The following TAMALIN variants were observed in gnomAD, a reference collection of about 807,000 sequenced individuals.
The protein encoded by TAMALIN is protein TAMALIN.
A neutral mutation model predicts 38.5 loss-of-function variants in TAMALIN; 9 were observed. That is an observed-to-expected ratio of 0.23 (90% CI 0.14 to 0.41). TAMALIN has a LOEUF of 0.41. Among genes scored for constraint, TAMALIN ranks in the 10% least tolerant of loss-of-function variants. The pLI is 1.00. For missense variants in TAMALIN, 548 were observed against 554.1 expected, an observed-to-expected ratio of 0.99 and a Z score of 0.11; for synonymous variants, 306 against 256.5, an observed-to-expected ratio of 1.19 and a Z score of -1.85.
chr12:52,007,028 C>T lies in TAMALIN; in HGVS notation c.9C>T (p.Leu3=), dbSNP rs1464434844. 4 of 1,436,232 alleles carry T rather than the reference C, an allele frequency of 2.8e-6. No homozygotes were observed. The East Asian group carries it at 9.1e-5, about 33-fold the overall frequency. 89.0% of individuals were successfully genotyped at this position (1,436,232 alleles called of 1,614,324 possible). A position where few individuals can be genotyped will look rare whatever the true frequency, so the allele number is the denominator to read the frequency against. MT[L]RRLRKLQQKE... ...CGTCCGGCGCCGGAGCCATGACCCT[C>T]CGCCGACTCAGGAAGCTGCAGCAGA... Residue 3 remains leucine (L), a synonymous_variant, in exon 1 of 8, where the codon CTC becomes CTT. Coordinates refer to ENST00000293662, the MANE Select transcript of TAMALIN (RefSeq NM_181711.4). This position sits in a 1 kb window ranked among gnomAD's most constrained non-coding sequence, Gnocchi z 6.7.
At chr12:52,009,848 A>G (rs985631892) in intron 2 of TAMALIN, among the ~76,000 whole-genome samples, 6 of 152,244 alleles carry the variant, frequency 3.9e-5, no homozygotes, top group Admixed American at 2.6e-4. Flanking sequence ...CTGACCTGCT[A>G]GCCAGATTGG....
At position 52,008,252 on chromosome 12, in the gene TAMALIN, G is replaced by C. The variant is rs1292737127; in HGVS notation, c.247-938G>C. ...TTGGGGGAGGGTTAGCAAAGGCACA[G>C]AACAGAAAGGCCCTGGGCTGTGCAG... On this transcript the variant is annotated intron_variant, in intron 1 of 7. Transcript: ENST00000293662. 3.0e-6 allele frequency: 3 copies of C among 985,288 alleles called. No homozygotes were observed. In the African/African-American group the frequency reaches 5.2e-5, roughly 17 times the overall value. The allele number at this position is 985,288 out of a possible 1,614,324, so 61.0% of individuals were successfully genotyped here.
In TAMALIN at chr12:52,007,286, C is replaced by T; in HGVS notation, c.246+21C>T. The T allele has an allele frequency of 7.1e-7, 1 of 1,399,482 alleles. No individual in the cohort carries two copies. The allele number at this position is 1,399,482 out of a possible 1,614,324, so 86.7% of individuals were successfully genotyped here. A position where few individuals can be genotyped will look rare whatever the true frequency, so the allele number is the denominator to read the frequency against. On this transcript the variant is annotated intron_variant, in intron 1 of 7. Coordinates refer to ENST00000293662, the MANE Select transcript of TAMALIN (RefSeq NM_181711.4). The surrounding 1 kb of genome is among the most constrained non-coding windows in gnomAD (Gnocchi z 6.7). ...GAAAGGTGCGTCCCCCGCCCGCCTT[C>T]AGGATCTGCTCAGCCCCTCTCCGAC...
At position 52,015,441 on chromosome 12, in the gene TAMALIN, G is replaced by A. The variant is rs917634545; in HGVS notation, c.*242G>A. On this transcript the variant is annotated 3_prime_UTR_variant, in exon 8 of 8. Coordinates refer to ENST00000293662, the MANE Select transcript of TAMALIN (RefSeq NM_181711.4). Reference sequence around the variant, plus strand: ...GGGCAGGGGGAGAGCCAGGCAATCGGGGGCCAAAGATGGGGGTGCTCGCCT... The same window carrying A: ...GGGCAGGGGGAGAGCCAGGCAATCGAGGGCCAAAGATGGGGGTGCTCGCCT... 2.0e-6 allele frequency: 1 copy of A among 491,378 alleles called. No individual in the cohort carries two copies. The highest frequency in any genetic ancestry group is 3.6e-6 in the Non-Finnish European group (1 of 277,080). 30.4% of individuals were successfully genotyped at this position (491,378 alleles called of 1,614,324 possible).
intron 4 of TAMALIN, chr12:52,013,464 T>TAGTC (rs1163915627): frequency 1.8e-5 from 10 of 544,174 alleles, no homozygotes; most frequent in Non-Finnish European, 2.0e-5. Context: ...GACAACCTGG[T>TAGTC]AGTCACTACA....
intron 1 of TAMALIN, chr12:52,008,633 A>T: frequency 3.2e-5 from 32 of 985,386 alleles, no homozygotes; most frequent in Non-Finnish European, 3.9e-5. Flanking sequence ...CTGACCCCAC[A>T]TTCTGGCTGG....
chr12:52,014,764 C>T lies in TAMALIN; in HGVS notation c.753C>T (p.Gly251=), dbSNP rs761889420. The change falls in exon 8 of 8, where the codon GGC becomes GGT. Residue 251 remains glycine, a synonymous_variant. Transcript: ENST00000293662. ...ESVRSCLYGA[G]LLPGSLPFGP... Reference sequence around the variant, plus strand: ...TGCGCTCCTGCCTCTACGGCGCGGGCCTGCTCCCGGGCTCGCTGCCCTTCG... The same window carrying T: ...TGCGCTCCTGCCTCTACGGCGCGGGTCTGCTCCCGGGCTCGCTGCCCTTCG... 3.3e-6 allele frequency: 5 copies of T among 1,495,820 alleles called. No individual in the cohort carries two copies. The highest frequency in any genetic ancestry group is 4.4e-6 in the Non-Finnish European group (5 of 1,133,046). The allele number at this position is 1,495,820 out of a possible 1,614,324, so 92.7% of individuals were successfully genotyped here.
At chr12:52,013,488 G>A (rs1043691969) in intron 4 of TAMALIN, 199 bp from the exon 5 acceptor site, 38 of 585,966 alleles carry the variant, frequency 6.5e-5, no homozygotes, top group Non-Finnish European at 1.0e-4. Flanking sequence ...CCACAAGAAT[G>A]GCTGTGGTTC....
rs968152592 is a variant in TAMALIN at position 52,014,737 on chromosome 12, G to A, written c.726G>A (p.Ser242=). ...CCAGCATCTACGACACGCTGGAGTC[G>A]GTGCGCTCCTGCCTCTACGGCGCGG... is the stretch of plus-strand genomic sequence containing the variant. ...KDPSIYDTLE[S]VRSCLYGAGL... Residue 242 remains serine, a synonymous_variant, in exon 8 of 8, where the codon TCG becomes TCA. Coordinates refer to ENST00000293662, the MANE Select transcript of TAMALIN (RefSeq NM_181711.4). The A allele has an allele frequency of 5.9e-6, 9 of 1,520,400 alleles. No individual in the cohort carries two copies. The highest frequency in any genetic ancestry group is 2.5e-5 in the South Asian group (2 of 79,808). 94.2% of individuals were successfully genotyped at this position (1,520,400 alleles called of 1,614,324 possible).
At position 52,007,708 on chromosome 12, in the gene TAMALIN, T is replaced by A. The variant is rs1283083892; in HGVS notation, c.246+443T>A. 7.1e-6 allele frequency: 7 copies of A among 985,310 alleles called. No individual in the cohort carries two copies. The highest frequency in any genetic ancestry group is 8.4e-6 in the Non-Finnish European group (7 of 829,884). 61.0% of individuals were successfully genotyped at this position (985,310 alleles called of 1,614,324 possible). ...GTGGCTGCGCCGCGTGCGTTCTCAC[T>A]CTGAGGAAGTGCGTGGGGAGCCGCT... On this transcript the variant is annotated intron_variant, in intron 1 of 7. Coordinates refer to ENST00000293662, the MANE Select transcript of TAMALIN (RefSeq NM_181711.4). This position sits in a 1 kb window ranked among gnomAD's most constrained non-coding sequence, Gnocchi z 6.7.
Position 52,009,183 on chromosome 12 carries a change from T to C in TAMALIN, c.247-7T>C, listed in dbSNP as rs1268994653. The C allele has an allele frequency of 6.2e-7, 1 of 1,614,082 alleles. No individual in the cohort carries two copies. Among genetic ancestry groups the C allele is most frequent in the South Asian group, 1.1e-5 (1 of 91,088 alleles). On this transcript the variant is annotated splice_region_variant and splice_polypyrimidine_tract_variant and intron_variant, in intron 1 of 7. Coordinates refer to ENST00000293662, the MANE Select transcript of TAMALIN (RefSeq NM_181711.4). ...TACCTGCTCCTTCTGACCATCTTAC[T>C]GCCCAGGGCTCAGGATTCCGCTGGA...
intron 4 of TAMALIN, chr12:52,013,412 G>A (rs1214233327): frequency 2.3e-6 from 1 of 430,498 alleles, no homozygotes; most frequent in East Asian, 4.1e-5. Flanking sequence ...GAGGGTGTTG[G>A]GTGTGTGAGG....
chr12:52,010,741 C>A, intron 2 of TAMALIN, 140 bp from the exon 3 acceptor site: 1 of 1,031,808 alleles, frequency 9.7e-7, no homozygotes, highest in South Asian at 1.4e-5. Flanking sequence ...TTCCAATAAT[C>A]TGTGATGAGA....
chr12:52,011,445 T>C lies in TAMALIN; in HGVS notation c.454+304T>C. On this transcript the variant is annotated intron_variant, in intron 4 of 7. Transcript: ENST00000293662. The surrounding 1 kb of genome is among the most constrained non-coding windows in gnomAD (Gnocchi z 5.3). ...TAATGGTGGATGATGCTGCTGCTGC[T>C]CTGATTCCTCCCAGCAACCCTGGCA... The C allele has an allele frequency of 1.7e-6, 1 of 582,784 alleles. No homozygotes were observed. The allele number at this position is 582,784 out of a possible 1,614,324, so 36.1% of individuals were successfully genotyped here. A position where few individuals can be genotyped will look rare whatever the true frequency, so the allele number is the denominator to read the frequency against.
At chr12:52,013,607 T>TC (rs1937711453) in intron 4 of TAMALIN, 80 bp from the exon 5 acceptor site, 1 of 1,202,898 alleles carries the variant, frequency 8.3e-7, no homozygotes, top group African/African-American at 1.5e-5. Flanking sequence ...CCCACCCTTC[T>TC]CCCCTTTCTG....
In TAMALIN at chr12:52,010,406, C is replaced by T. The variant is rs553682526; in HGVS notation, c.297-475C>T. On this transcript the variant is annotated intron_variant, in intron 2 of 7. Transcript: ENST00000293662. ...CTCGAGGCTCCCCTCCCCCAGCCCC[C>T]ACATCTGGTGGGCTGGCCCCAGCAT... The T allele has an allele frequency of 5.8e-6, 4 of 689,180 alleles. No homozygotes were observed. In the South Asian group the frequency reaches 2.4e-4, roughly 41 times the overall value. The allele number at this position is 689,180 out of a possible 1,614,324, so 42.7% of individuals were successfully genotyped here.
At chr12:52,009,596 C>T (rs1489433293) in intron 2 of TAMALIN, among the ~76,000 whole-genome samples, 1 of 151,852 alleles carries the variant, frequency 6.6e-6, no homozygotes, top group African/African-American at 2.4e-5. Context: ...CCCTCCTAGC[C>T]TTGGCAAACC....
At chr12:52,014,477 C>T (rs1937737839) in intron 7 of TAMALIN, 8 of 598,968 alleles carry the variant, frequency 1.3e-5, no homozygotes, top group Middle Eastern at 4.4e-4. Context: ...CAATTATTTC[C>T]GAGGCCCGTT....
In TAMALIN at chr12:52,009,918, A is replaced by G. The variant is rs181786778; in HGVS notation, c.296+679A>G. Among the ~76,000 whole-genome samples, 12 of 152,368 alleles carry G rather than the reference A, an allele frequency of 7.9e-5. No individual in the cohort carries two copies. In the East Asian group the frequency reaches 2.3e-3, roughly 29 times the overall value. ...GTTGTAAAAATAAAAACAAATAACA[A>G]TATATGACAGAGATCATAAGGGGCC... On this transcript the variant is annotated intron_variant, in intron 2 of 7. Coordinates refer to ENST00000293662, the MANE Select transcript of TAMALIN (RefSeq NM_181711.4).
Sources: allele counts gnomAD v4.1 joint callset (sites outside exome capture counted in the v4.1 genomes callset), GRCh38; gene constraint gnomAD v4.1.1; non-coding constraint Gnocchi (gnomAD v3.1); transcripts MANE v1.5; gene names NCBI Gene and HGNC (gene_info 2026-07-23, HGNC 2026-07-21).